ACTR8: variants seen among roughly 807,000 people sequenced by gnomAD.
The protein encoded by ACTR8 is actin related protein 8.
Under a neutral mutation model 84.3 loss-of-function variants are expected in ACTR8, and 70 were observed. The ratio of observed to expected loss-of-function variants is 0.83; its 90% confidence interval spans 0.68 to 1.01. ACTR8 has a LOEUF of 1.01. Ranked by LOEUF, ACTR8 falls within the 50% of genes least tolerant of loss-of-function variation. The probability of loss-of-function intolerance (pLI) is 0.00; values close to 1 mark genes in which losing one functional copy is unlikely to be tolerated. For missense variants in ACTR8, 672 were observed against 775.4 expected, an observed-to-expected ratio of 0.87 and a Z score of 1.58; for synonymous variants, 268 against 275.2, an observed-to-expected ratio of 0.97 and a Z score of 0.26.
Position 53,868,839 on chromosome 3 carries a change from T to C in ACTR8, c.1755A>G (p.Ala585=), listed in dbSNP as rs367745797. 17 of 1,614,046 alleles carry C rather than the reference T, an allele frequency of 1.1e-5. No homozygotes were observed. Among genetic ancestry groups the C allele is most frequent in the Non-Finnish European group, 1.4e-5 (17 of 1,180,038 alleles). Residue 585 remains alanine (A), a synonymous_variant, in exon 13 of 13, where the codon GCA becomes GCG. Coordinates refer to ENST00000335754, the MANE Select transcript of ACTR8 (RefSeq NM_022899.5). ...AAGCCAACACTGCCCCTCCTTTCCA[T>C]GCAATCAGCCGGGGGTCCATGTCCT... ...RPKDMDPRLI[A]WKGGAVLACL...
intron 1 of ACTR8, 33 bp downstream of exon 1, chr3:53,881,946 G>A (rs768852978): frequency 6.4e-7 from 1 of 1,554,282 alleles, no homozygotes; most frequent in Non-Finnish European, 8.7e-7. Context: ...ACCCAAGCAA[G>A]GGCAAAGAGT....
At chr3:53,861,999 C>G in the ACTR8 span, among the ~76,000 whole-genome samples, 1 of 152,140 alleles carries the variant, frequency 6.6e-6, no homozygotes. Flanking sequence ...AACCCCCTGG[C>G]CTTGAAGGGA....
downstream of ACTR8, among the ~76,000 whole-genome samples, chr3:53,863,023 A>C (rs926429312): frequency 2.6e-5 from 4 of 152,216 alleles, no homozygotes; most frequent in Admixed American, 6.5e-5. Flanking sequence ...TGATGACAAG[A>C]ATAAAGACCT....
At chr3:53,865,445 T>G (rs1699753421), downstream of ACTR8, 1 of 629,380 alleles carries the variant, frequency 1.6e-6, no homozygotes, top group Non-Finnish European at 2.6e-6. Flanking sequence ...CCAATAAAAT[T>G]TTCAAATATT....
At chr3:53,865,465 TG>T, downstream of ACTR8, 2 of 574,862 alleles carry the variant, frequency 3.5e-6, no homozygotes, top group Non-Finnish European at 6.0e-6. Context: ...TGCTAACTAA[TG>T]TAGCATTAAC....
rs1700076305 is a variant in ACTR8 at position 53,882,121 on chromosome 3, C to G, written c.-20G>C. 6 of 1,551,084 alleles carry G rather than the reference C, an allele frequency of 3.9e-6. No individual in the cohort carries two copies. Among genetic ancestry groups the G allele is most frequent in the Non-Finnish European group, 5.2e-6 (6 of 1,146,616 alleles). ...GGTCATTATGGCCGGAGACACCCAC[C>G]AACCTCTCGCCTCAGCGCTGCAGCC... On this transcript the variant is annotated 5_prime_UTR_variant, in exon 1 of 13. Transcript: ENST00000335754.
At chr3:53,873,981 C>T (rs988537409) in intron 8 of ACTR8, among the ~76,000 whole-genome samples, 4 of 152,186 alleles carry the variant, frequency 2.6e-5, no homozygotes, top group Admixed American at 1.3e-4. Context: ...CCCGCCACCA[C>T]GCCCGGCTAA....
chr3:53,877,043 A>C (rs993937039), intron 5 of ACTR8, among the ~76,000 whole-genome samples, 171 bp downstream of exon 5: 1 of 151,778 alleles, frequency 6.6e-6, no homozygotes, highest in African/African-American at 2.4e-5. Context: ...AAAAAGCACC[A>C]GAAGGGAATT....
chr3:53,875,616 G>A (rs897615717), intron 7 of ACTR8, among the ~76,000 whole-genome samples: 3 of 152,344 alleles, frequency 2.0e-5, no homozygotes, highest in Middle Eastern at 3.4e-3. Context: ...TCTGCTATAA[G>A]GATGTGATTA....
At chr3:53,862,910 G>A (rs183387100), downstream of ACTR8, among the ~76,000 whole-genome samples, 39 of 152,098 alleles carry the variant, frequency 2.6e-4, no homozygotes, top group Middle Eastern at 0.014. Context: ...ACACTGAGGC[G>A]CCCACCTCTC....
the ACTR8 span, chr3:53,860,000 A>C: frequency 1.5e-6 from 1 of 652,730 alleles, no homozygotes; most frequent in African/African-American, 1.8e-5. Context: ...ACAAAGCGAG[A>C]CTCTGTCTCA....
chr3:53,869,843 C>T, intron 12 of ACTR8, 139 bp downstream of exon 12: 3 of 1,004,206 alleles, frequency 3.0e-6, no homozygotes, highest in Non-Finnish European at 4.3e-6. Context: ...CTATGGCTTG[C>T]TGAAATTAAC....
chr3:53,864,104 T>C (rs543035113), downstream of ACTR8, among the ~76,000 whole-genome samples: 46 of 152,164 alleles, frequency 3.0e-4, no homozygotes, highest in Non-Finnish European at 5.7e-4. Flanking sequence ...ATTCCTGGTG[T>C]AAGCCACCAC....
Position 53,871,420 on chromosome 3 carries a change from G to C in ACTR8, c.1379C>G (p.Ser460Cys). The stretch of plus-strand genomic sequence containing the variant: ...GGAATGGAGTCTTTCTGGAAGATCA[G>C]AGGACTGGCCACGAAGATCCCCTTC... ...GFEGDLRGQSSDLPERLHSQE... is the reference protein window; with the variant it reads ...GFEGDLRGQSCDLPERLHSQE... Residue 460 changes from serine (S) to cysteine (C), a missense_variant, in exon 11 of 13, where the codon TCT becomes TGT. By Grantham distance (112) the Ser-to-Cys change is moderately radical. Transcript: ENST00000335754. 6.2e-7 allele frequency: 1 copy of C among 1,614,232 alleles called. No homozygotes were observed. The highest frequency in any genetic ancestry group is 8.5e-7 in the Non-Finnish European group (1 of 1,180,038).
At chr3:53,865,186 T>C, downstream of ACTR8, 1 of 1,614,156 alleles carries the variant, frequency 6.2e-7, no homozygotes, top group Non-Finnish European at 8.5e-7. Flanking sequence ...TCTCAGTGTC[T>C]GCCCCAAGTA....
In ACTR8 at chr3:53,878,464, G is replaced by C. The variant is rs771252646; in HGVS notation, c.298C>G (p.Pro100Ala). 2 of 1,599,232 alleles carry C rather than the reference G, an allele frequency of 1.3e-6. No homozygotes were observed. Among genetic ancestry groups the C allele is most frequent in the East Asian group, 4.5e-5 (2 of 44,752 alleles). ...TTTTGTCTTTGTTCATTACTTTCTG[G>C]TTTCTGGGGAAAAAATGAAAGATGA... ...SWLLREGLNKPESNEQRQNGL... is the reference protein window; with the variant it reads ...SWLLREGLNKAESNEQRQNGL... Residue 100 changes from proline (P) to alanine (A), a missense_variant, in exon 3 of 13, where the codon CCA becomes GCA. Transcript: ENST00000335754.
chr3:53,861,069 G>T, the ACTR8 span: 1 of 152,170 alleles, frequency 6.6e-6, no homozygotes, highest in Non-Finnish European at 1.5e-5. Flanking sequence ...AGGGTTGCAA[G>T]TATCGACTTA....
intron 12 of ACTR8, among the ~76,000 whole-genome samples, chr3:53,869,554 CTA>C (rs1699853112): frequency 1.3e-5 from 2 of 152,172 alleles, no homozygotes; most frequent in South Asian, 4.1e-4. Context: ...CACACAAAAT[CTA>C]TTTCTAAATT....
rs563730520 is a variant in ACTR8 at position 53,881,967 on chromosome 3, C to G, written c.123+12G>C. 6.4e-7 allele frequency: 1 copy of G among 1,555,466 alleles called. No homozygotes were observed. Among genetic ancestry groups the G allele is most frequent in the Non-Finnish European group, 8.7e-7 (1 of 1,148,790 alleles). ...GCAAGGGCAAAGAGTTCCAACCCAG[C>G]CAGAGCCGCACCTCTTGCAGCGACT... is the stretch of plus-strand genomic sequence containing the variant. On this transcript the variant is annotated intron_variant, in intron 1 of 12. Coordinates refer to ENST00000335754, the MANE Select transcript of ACTR8 (RefSeq NM_022899.5).
Sources: gnomAD v4.1 joint callset for allele counts (sites outside exome capture counted in the v4.1 genomes callset) on GRCh38, gnomAD v4.1.1 for gene constraint, MANE v1.5 for transcripts, NCBI Gene and HGNC (gene_info 2026-07-23, HGNC 2026-07-21) for gene names.